RALGPS1: variants seen among roughly 807,000 people sequenced by gnomAD.
The protein encoded by RALGPS1 is Ral GEF with PH domain and SH3 binding motif 1, also known as ras-specific guanine nucleotide-releasing factor RalGPS1.
A neutral mutation model predicts 78.8 loss-of-function variants in RALGPS1; 19 were observed. That is an observed-to-expected ratio of 0.24 (90% CI 0.17 to 0.35). RALGPS1 has a LOEUF of 0.35. Ranked by LOEUF, RALGPS1 falls within the 10% of genes least tolerant of loss-of-function variation. RALGPS1 has a pLI of 1.00. For synonymous variants in RALGPS1, 228 were observed against 256.3 expected, an observed-to-expected ratio of 0.89 and a Z score of 1.06; for missense variants, 454 against 688.3, an observed-to-expected ratio of 0.66 and a Z score of 3.81.
chr9:127,130,327 G>A (rs1162431115), intron 8 of RALGPS1, among the ~76,000 whole-genome samples: 2 of 152,234 alleles, frequency 1.3e-5, no homozygotes, highest in African/African-American at 4.8e-5. Flanking sequence ...CAGGTGCTCA[G>A]TAAATGCTGG....
chr9:126,993,936 A>G (rs1333217409), intron 4 of RALGPS1, among the ~76,000 whole-genome samples: 1 of 152,228 alleles, frequency 6.6e-6, no homozygotes, highest in African/African-American at 2.4e-5. Context: ...GTGGACCTCT[A>G]GCAAACTCCG....
Position 127,056,966 on chromosome 9 carries a change from A to G in RALGPS1, c.483+4027A>G, listed in dbSNP as rs140308616. 1.7e-4 allele frequency among the ~76,000 whole-genome samples: 26 copies of G among 152,280 alleles called. 1 individual carries two copies. Among genetic ancestry groups the G allele is most frequent in the African/African-American group, 5.8e-4 (24 of 41,570 alleles). ...CACAGAGTAGGGAGGTGCAGGTGGC[A>G]TTGGAAGAACCAGCCATAACATCCC... is the stretch of plus-strand genomic sequence containing the variant. On this transcript the variant is annotated intron_variant, in intron 7 of 18. Transcript: ENST00000259351.
chr9:127,164,331 G>A (rs533494434), intron 8 of RALGPS1, among the ~76,000 whole-genome samples: 4 of 151,940 alleles, frequency 2.6e-5, no homozygotes, highest in South Asian at 2.1e-4. Flanking sequence ...CGCCTCCTGG[G>A]TTCAAGTGAT....
chr9:126,918,719 C>G (rs911717109), intron 1 of RALGPS1, among the ~76,000 whole-genome samples: 1 of 148,082 alleles, frequency 6.8e-6, no homozygotes, highest in Non-Finnish European at 1.5e-5. Context: ...GTTGCCCAGG[C>G]TGGAGTGCAA....
chr9:127,078,329 T>C (rs1296814489), intron 8 of RALGPS1, among the ~76,000 whole-genome samples: 2 of 152,208 alleles, frequency 1.3e-5, no homozygotes, highest in Non-Finnish European at 2.9e-5. Context: ...TCTGGGACTC[T>C]GTAGTCTTTC....
chr9:127,207,051 G>A (rs557043978), intron 14 of RALGPS1, among the ~76,000 whole-genome samples: 95 of 152,092 alleles, frequency 6.2e-4, no homozygotes, highest in Non-Finnish European at 1.1e-3. Flanking sequence ...GATGCTGAGC[G>A]AATCCTGCTT....
intron 7 of RALGPS1, among the ~76,000 whole-genome samples, chr9:127,056,310 G>A (rs1363039841): frequency 6.6e-6 from 1 of 152,188 alleles, no homozygotes; most frequent in Non-Finnish European, 1.5e-5. Flanking sequence ...AGCAAAAGGT[G>A]GGTAGATGCA....
rs117731185 is a variant in RALGPS1 at position 127,109,928 on chromosome 9, C to T, written c.610+40572C>T. On this transcript the variant is annotated intron_variant, in intron 8 of 18. Transcript: ENST00000259351. ...ATGGGCCAAGAGGGAGGGGAGGACA[C>T]GTGCTAGATCCCTTCTCTTGCCCAC... 6.0e-4 allele frequency among the ~76,000 whole-genome samples: 91 copies of T among 152,310 alleles called. 1 individual carries two copies. The East Asian group carries it at 0.011, about 18-fold the overall frequency.
intron 8 of RALGPS1, chr9:127,108,231 G>A (rs185969991): frequency 5.0e-5 from 80 of 1,614,038 alleles, no homozygotes; most frequent in Middle Eastern, 1.6e-4. Flanking sequence ...GCAGCATGTC[G>A]GCTGTCTGGT....
chr9:127,174,819 A>G (rs1293524345), intron 11 of RALGPS1, 37 bp downstream of exon 11: 1 of 1,584,932 alleles, frequency 6.3e-7, no homozygotes, highest in South Asian at 1.1e-5. Context: ...AAACCCACTT[A>G]ATAGCCTAAT....
At chr9:127,094,353 C>T (rs533495391) in intron 8 of RALGPS1, among the ~76,000 whole-genome samples, 2 of 152,298 alleles carry the variant, frequency 1.3e-5, no homozygotes, top group South Asian at 4.1e-4. Context: ...AACGTGGCAA[C>T]ATCAGTCAGT....
chr9:127,074,938 G>A (rs1289780908), intron 8 of RALGPS1, among the ~76,000 whole-genome samples: 1 of 152,248 alleles, frequency 6.6e-6, no homozygotes, highest in South Asian at 2.1e-4. Flanking sequence ...CAGGCACTGT[G>A]TGAAGGGTAT....
intron 4 of RALGPS1, among the ~76,000 whole-genome samples, chr9:126,986,865 A>G (rs1322996833): frequency 1.3e-5 from 2 of 152,188 alleles, no homozygotes; most frequent in African/African-American, 4.8e-5. Flanking sequence ...AGGACAAGTC[A>G]TGTATTTTCT....
intron 4 of RALGPS1, among the ~76,000 whole-genome samples, chr9:126,984,036 A>G (rs776147513): frequency 6.6e-6 from 1 of 151,990 alleles, no homozygotes; most frequent in Non-Finnish European, 1.5e-5. Flanking sequence ...TAATTATTTC[A>G]TCTGTCAATG....
At chr9:126,923,184 A>G (rs1345604787) in intron 1 of RALGPS1, among the ~76,000 whole-genome samples, 5 of 152,068 alleles carry the variant, frequency 3.3e-5, no homozygotes, top group African/African-American at 7.2e-5. Flanking sequence ...CAATATCTCA[A>G]CCCTTTACAA....
At chr9:127,178,218 T>G (rs1013529290) in intron 11 of RALGPS1, 9 of 410,826 alleles carry the variant, frequency 2.2e-5, no homozygotes, top group African/African-American at 1.9e-4. Flanking sequence ...GCCCTCAGTC[T>G]GCCACCAGAG....
In RALGPS1 at chr9:127,212,135, A is replaced by G. The variant is rs150086774; in HGVS notation, c.1252A>G (p.Thr418Ala). ...EEMSSGLESP[T>A]GPCICSLGNS... The stretch of plus-strand genomic sequence containing the variant: ...TGACTGGTAGTCTCTCCTCAGCCCC[A>G]CCGGCCCGTGCATCTGTTCTCTGGG... Residue 418 changes from threonine (T) to alanine (A), a missense_variant, in exon 15 of 19, where the codon ACC (threonine) becomes GCC (alanine). Physicochemically the swap from Thr to Ala is moderately conservative, Grantham distance 58 (BLOSUM62 0). Transcript: ENST00000259351. This position sits in a 1 kb window ranked among gnomAD's most constrained non-coding sequence, Gnocchi z 6.0. 8 of 1,611,788 alleles carry G rather than the reference A, an allele frequency of 5.0e-6. No individual in the cohort carries two copies. Among genetic ancestry groups the G allele is most frequent in the African/African-American group, 1.3e-5 (1 of 74,770 alleles).
Position 127,119,805 on chromosome 9 carries a change from C to T in RALGPS1, c.611-46264C>T, listed in dbSNP as rs143685299. 2.6e-5 allele frequency among the ~76,000 whole-genome samples: 4 copies of T among 152,228 alleles called. No homozygotes were observed. The East Asian group carries it at 7.7e-4, about 29-fold the overall frequency. ...GACTGCCTCATTAGTAGTAAGTAGT[C>T]CCATTTTTTTTGCCAAGCTCATGAA... is the stretch of plus-strand genomic sequence containing the variant. On this transcript the variant is annotated intron_variant, in intron 8 of 18. Transcript: ENST00000259351.
intron 8 of RALGPS1, among the ~76,000 whole-genome samples, chr9:127,100,071 T>A (rs951017479): frequency 1.5e-4 from 23 of 152,268 alleles, no homozygotes; most frequent in Admixed American, 1.4e-3. Context: ...AAATTTTGTC[T>A]TCATGAAAAT....
Sources: gnomAD v4.1 joint callset for allele counts (sites outside exome capture counted in the v4.1 genomes callset) on GRCh38, gnomAD v4.1.1 for gene constraint, Gnocchi (gnomAD v3.1) non-coding constraint, MANE v1.5 for transcripts, NCBI Gene and HGNC (gene_info 2026-07-23, HGNC 2026-07-21) for gene names.